The following SH2D4B variants were observed in gnomAD, a reference collection of about 807,000 sequenced individuals.
SH2D4B encodes SH2 domain containing 4B.
SH2D4B carries 45 observed loss-of-function variants against 61.5 expected under a neutral mutation model. The observed-to-expected ratio is 0.73, with a 90% CI of 0.58 to 0.94. The LOEUF (loss-of-function observed/expected upper bound fraction) is 0.94, where lower values mean the gene tolerates loss of function less well. SH2D4B is among the 40% of genes least tolerant of loss of function. The pLI, the probability that SH2D4B is intolerant of heterozygous loss-of-function variation, is 0.00. For missense variants in SH2D4B, 572 were observed against 574.2 expected, an observed-to-expected ratio of 1.00 and a Z score of 0.04; for synonymous variants, 224 against 220.4, an observed-to-expected ratio of 1.02 and a Z score of -0.14.
chr10:80,634,991 C>A (rs527809432), intron 7 of SH2D4B, among the ~76,000 whole-genome samples: 1 of 152,258 alleles, frequency 6.6e-6, no homozygotes, highest in Admixed American at 6.5e-5. Flanking sequence ...TCCAGCTTAA[C>A]CACTTAGTAC....
rs1030153540 is a variant in SH2D4B at position 80,634,506 on chromosome 10, G to T, written c.1209+1G>T. Reference sequence around the variant, plus strand: ...CACGGATCTCGTTGATTTCCATAAGGTATCCCTCACAGGGATACTAATGGG... The same window carrying T: ...CACGGATCTCGTTGATTTCCATAAGTTATCCCTCACAGGGATACTAATGGG... On this transcript the variant is annotated splice_donor_variant, in intron 7 of 7. Coordinates refer to ENST00000646907, the MANE Select transcript of SH2D4B (RefSeq NM_001388272.1). LOFTEE classifies it high-confidence loss of function. 2 of 1,549,590 alleles carry T rather than the reference G, an allele frequency of 1.3e-6. No homozygotes were observed. Among genetic ancestry groups the T allele is most frequent in the Non-Finnish European group, 8.7e-7 (1 of 1,146,918 alleles).
At chr10:80,586,478 A>G (rs1013802527) in intron 3 of SH2D4B, among the ~76,000 whole-genome samples, 6 of 152,142 alleles carry the variant, frequency 3.9e-5, no homozygotes, top group African/African-American at 1.4e-4. Flanking sequence ...GAATGCACCA[A>G]TCGACACTGT....
At chr10:80,562,912 T>A (rs1841920048) in intron 1 of SH2D4B, among the ~76,000 whole-genome samples, 1 of 137,360 alleles carries the variant, frequency 7.3e-6, no homozygotes, top group East Asian at 2.0e-4. Context: ...TTTTTTTTTT[T>A]TTTTTTTGAG....
chr10:80,631,453 T>A (rs1360720476), intron 6 of SH2D4B, among the ~76,000 whole-genome samples: 3 of 152,188 alleles, frequency 2.0e-5, no homozygotes, highest in Admixed American at 2.0e-4. Context: ...CTTGCTATGT[T>A]GCCCAGGCTG....
chr10:80,627,285 T>G (rs1842776011), intron 6 of SH2D4B, among the ~76,000 whole-genome samples: 1 of 152,152 alleles, frequency 6.6e-6, no homozygotes, highest in Non-Finnish European at 1.5e-5. Flanking sequence ...CATTCTTATA[T>G]CTTTCTTCTG....
intron 5 of SH2D4B, 22 bp from the exon 6 acceptor site, chr10:80,609,402 T>TC (rs1413211796): frequency 6.4e-7 from 1 of 1,564,484 alleles, no homozygotes; most frequent in South Asian, 1.1e-5. Flanking sequence ...TCTTCTGCCC[T>TC]CCCCACTTTC....
At chr10:80,641,230 C>A (rs186417071) in intron 7 of SH2D4B, among the ~76,000 whole-genome samples, 1 of 152,368 alleles carries the variant, frequency 6.6e-6, no homozygotes, top group East Asian at 1.9e-4. Context: ...AGGTGTCTTC[C>A]AGTTAGGCTA....
chr10:80,547,146 A>G (rs1841690642), intron 1 of SH2D4B, among the ~76,000 whole-genome samples: 1 of 152,214 alleles, frequency 6.6e-6, no homozygotes, highest in Admixed American at 6.5e-5. Flanking sequence ...TCTGAGGGGC[A>G]GTGATAAATG....
intron 7 of SH2D4B, among the ~76,000 whole-genome samples, chr10:80,641,934 A>G (rs1418016336): frequency 6.6e-6 from 1 of 152,234 alleles, no homozygotes; most frequent in Non-Finnish European, 1.5e-5. Context: ...GAAAAATCAA[A>G]TACAATACAA....
chr10:80,551,626 A>G (rs988626613), intron 1 of SH2D4B, among the ~76,000 whole-genome samples: 1 of 152,156 alleles, frequency 6.6e-6, no homozygotes, highest in Non-Finnish European at 1.5e-5. Context: ...AACCACTTCC[A>G]CTCAAATTAA....
chr10:80,634,251 CT>C (rs1564531040), intron 6 of SH2D4B, 33 bp from the exon 7 acceptor site: 1 of 1,483,390 alleles, frequency 6.7e-7, no homozygotes, highest in Admixed American at 2.4e-5. Context: ...GCAGAACCTG[CT>C]GTGTTTTTTT....
Position 80,603,772 on chromosome 10 carries a change from G to A in SH2D4B, c.837G>A (p.Pro279=), listed in dbSNP as rs1315826071. The A allele has an allele frequency of 2.4e-5, 39 of 1,610,190 alleles. No individual in the cohort carries two copies. Among genetic ancestry groups the A allele is most frequent in the African/African-American group, 4.0e-5 (3 of 74,874 alleles). The stretch of plus-strand genomic sequence containing the variant: ...ACCACCTCCCCGACCCGGGTCTGCC[G>A]CAGCCCCTTGCCCTGCCGGTCAGGT... ...LYHHLPDPGL[P]QPLALPVSRT... The change falls in exon 5 of 8, where the codon CCG becomes CCA. Residue 279 remains proline, a synonymous_variant. Coordinates refer to ENST00000646907, the MANE Select transcript of SH2D4B (RefSeq NM_001388272.1).
chr10:80,548,226 G>A (rs909162618), intron 1 of SH2D4B, among the ~76,000 whole-genome samples: 1 of 152,168 alleles, frequency 6.6e-6, no homozygotes, highest in African/African-American at 2.4e-5. Context: ...GTGCACTGAT[G>A]TGATCTCAGC....
At chr10:80,624,592 T>C (rs1842751025) in intron 6 of SH2D4B, among the ~76,000 whole-genome samples, 1 of 152,242 alleles carries the variant, frequency 6.6e-6, no homozygotes, top group Non-Finnish European at 1.5e-5. Context: ...GTCTCAAACC[T>C]GGCTACATGT....
At chr10:80,568,963 A>C (rs1352051730) in intron 1 of SH2D4B, among the ~76,000 whole-genome samples, 1 of 152,232 alleles carries the variant, frequency 6.6e-6, no homozygotes, top group Non-Finnish European at 1.5e-5. Context: ...GCTGCATAAC[A>C]TGGATCTCTA....
chr10:80,643,930 TCTCA>T, intron 7 of SH2D4B, 59 bp from the exon 8 acceptor site: 1 of 1,281,116 alleles, frequency 7.8e-7, no homozygotes, highest in Non-Finnish European at 1.1e-6. Flanking sequence ...ACTCTCTCTC[TCTCA>T]TAGATGTGTA....
intron 3 of SH2D4B, among the ~76,000 whole-genome samples, chr10:80,577,854 G>A (rs117910813): frequency 0.026 from 3,914 of 152,218 alleles, 62 homozygotes; most frequent in Middle Eastern, 0.051. Context: ...GAGCCACCAC[G>A]CCTGGCCTTA....
intron 5 of SH2D4B, among the ~76,000 whole-genome samples, chr10:80,605,680 G>A (rs891276475): frequency 2.0e-5 from 3 of 151,982 alleles, no homozygotes; most frequent in East Asian, 1.9e-4. Flanking sequence ...CATCACACCC[G>A]GCTAATTTTT....
intron 4 of SH2D4B, among the ~76,000 whole-genome samples, chr10:80,591,150 G>T (rs1261283442): frequency 6.6e-6 from 1 of 151,904 alleles, no homozygotes; most frequent in Non-Finnish European, 1.5e-5. Context: ...AACAGTTGAT[G>T]AACATTTGGG....
Sources: gnomAD v4.1 joint callset for allele counts (sites outside exome capture counted in the v4.1 genomes callset) on GRCh38, gnomAD v4.1.1 for gene constraint, MANE v1.5 for transcripts, NCBI Gene and HGNC (gene_info 2026-07-23, HGNC 2026-07-21) for gene names.